HECW1: variants seen among roughly 807,000 people sequenced by gnomAD.
HECW1 encodes E3 ubiquitin-protein ligase HECW1.
Under a neutral mutation model 182.3 loss-of-function variants are expected in HECW1, and 61 were observed. The observed-to-expected ratio is 0.33, with a 90% CI of 0.27 to 0.41. The LOEUF (loss-of-function observed/expected upper bound fraction) is 0.41. HECW1 is among the 10% of genes least tolerant of loss of function. The pLI, the probability that HECW1 is intolerant of heterozygous loss-of-function variation, is 1.00. For missense variants in HECW1, 1,739 were observed against 2,108.9 expected (o/e 0.82, Z 3.44); for synonymous variants, 859 against 832.6 (o/e 1.03, Z -0.55).
At chr7:43,248,082 CAATG>C (rs1245382783) in intron 3 of HECW1, among the ~76,000 whole-genome samples, 2 of 145,410 alleles carry the variant, frequency 1.4e-5, no homozygotes, top group East Asian at 4.1e-4. Flanking sequence ...GGAGGGAAAA[CAATG>C]GAGAGAGGGA....
chr7:43,465,889 G>A (rs923544375), intron 14 of HECW1, among the ~76,000 whole-genome samples: 5 of 149,468 alleles, frequency 3.3e-5, no homozygotes, highest in South Asian at 2.1e-4. Flanking sequence ...GCGAGACGCT[G>A]TCTCAAGAAA....
chr7:43,494,194 T>C lies in HECW1; in HGVS notation c.3437+1014T>C, dbSNP rs1447321215. ...ATTGACACCTCTTTTCCCTGTATTT[T>C]CACTCTGTAAATTAGAGCCACTACC... On this transcript the variant is annotated intron_variant, in intron 19 of 29. Coordinates refer to ENST00000395891, the MANE Select transcript of HECW1 (RefSeq NM_015052.5). 2.6e-5 allele frequency among the ~76,000 whole-genome samples: 4 copies of C among 152,246 alleles called. No homozygotes were observed. In the East Asian group the frequency reaches 7.7e-4, roughly 29 times the overall value.
At chr7:43,424,632 TA>T (rs940313914) in intron 8 of HECW1, among the ~76,000 whole-genome samples, 10 of 151,568 alleles carry the variant, frequency 6.6e-5, no homozygotes, top group African/African-American at 1.9e-4. Flanking sequence ...CAAAAATAAA[TA>T]AAAAAATAAA....
At chr7:43,428,320 T>C (rs1562964434) in intron 8 of HECW1, among the ~76,000 whole-genome samples, 1 of 152,192 alleles carries the variant, frequency 6.6e-6, no homozygotes, top group African/African-American at 2.4e-5. Context: ...TTGTATTCCA[T>C]TTTTGCAGTA....
intron 3 of HECW1, among the ~76,000 whole-genome samples, chr7:43,246,763 C>A (rs1405504839): frequency 2.0e-5 from 3 of 152,154 alleles, no homozygotes; most frequent in Admixed American, 1.3e-4. Flanking sequence ...TGTTAGGTCC[C>A]CTGAGAGGGC....
At chr7:43,287,168 TA>T (rs1313749747) in intron 3 of HECW1, among the ~76,000 whole-genome samples, 3 of 151,986 alleles carry the variant, frequency 2.0e-5, no homozygotes, top group Non-Finnish European at 4.4e-5. Context: ...TTAAATTCTG[TA>T]AAGAGAAATA....
intron 3 of HECW1, among the ~76,000 whole-genome samples, chr7:43,275,176 A>G (rs780984328): frequency 4.6e-5 from 7 of 152,202 alleles, no homozygotes; most frequent in Non-Finnish European, 1.0e-4. Flanking sequence ...TATCTTTAAA[A>G]ATCCAACAAA....
At chr7:43,548,738 T>A (rs1045882478) in intron 26 of HECW1, among the ~76,000 whole-genome samples, 2 of 151,942 alleles carry the variant, frequency 1.3e-5, no homozygotes, top group Non-Finnish European at 2.9e-5. Context: ...GGCCAGGAGC[T>A]CAAGACCAGC....
At chr7:43,465,888 T>C (rs2077749440) in intron 14 of HECW1, among the ~76,000 whole-genome samples, 1 of 148,136 alleles carries the variant, frequency 6.8e-6, no homozygotes, top group Non-Finnish European at 1.5e-5. Flanking sequence ...AGCGAGACGC[T>C]GTCTCAAGAA....
At chr7:43,255,596 TAAAA>T (rs72259446) in intron 3 of HECW1, among the ~76,000 whole-genome samples, 1 of 117,182 alleles carries the variant, frequency 8.5e-6, no homozygotes, top group African/African-American at 2.8e-5. Context: ...AAACTCTGTC[TAAAA>T]AAAAAAAAAA....
chr7:43,230,823 A>G (rs1056068895), intron 2 of HECW1, among the ~76,000 whole-genome samples: 11 of 152,228 alleles, frequency 7.2e-5, no homozygotes, highest in African/African-American at 2.7e-4. Flanking sequence ...AGTGAAATAT[A>G]TTAGGGAATT....
chr7:43,493,825 C>T (rs181592611), intron 19 of HECW1, among the ~76,000 whole-genome samples: 9 of 152,272 alleles, frequency 5.9e-5, no homozygotes, highest in Non-Finnish European at 1.0e-4. Flanking sequence ...ATCTCTTTGA[C>T]GTTTGAATTT....
chr7:43,134,169 G>A (rs557515124), intron 2 of HECW1, among the ~76,000 whole-genome samples: 15 of 151,954 alleles, frequency 9.9e-5, no homozygotes, highest in African/African-American at 2.2e-4. Flanking sequence ...GGGAGTGGGC[G>A]GGTCACCTGA....
At chr7:43,123,133 A>G (rs571233653) in intron 2 of HECW1, among the ~76,000 whole-genome samples, 2 of 152,326 alleles carry the variant, frequency 1.3e-5, no homozygotes, top group African/African-American at 4.8e-5. Context: ...TTTTTGCACT[A>G]TTCATGGAGC....
At chr7:43,412,175 A>T (rs919833985) in intron 8 of HECW1, among the ~76,000 whole-genome samples, 24 of 152,166 alleles carry the variant, frequency 1.6e-4, no homozygotes, top group African/African-American at 5.8e-4. Flanking sequence ...CATGATCTAC[A>T]TTGAGTTAAT....
rs748514387 is a variant in HECW1, at chr7:43,550,636, T to C, written c.4395+45T>C. ...GGAAGGCAAGCTGTGGCCAGGGTGC[T>C]GCTTCACGGGGCCTCATCCTCCAGG... On this transcript the variant is annotated intron_variant, in intron 27 of 29. Coordinates refer to ENST00000395891, the MANE Select transcript of HECW1 (RefSeq NM_015052.5). The C allele has an allele frequency of 1.9e-6, 3 of 1,546,306 alleles. No individual in the cohort carries two copies. The South Asian group carries it at 3.5e-5, about 18-fold the overall frequency.
At chr7:43,342,991 C>G (rs910346824) in intron 5 of HECW1, among the ~76,000 whole-genome samples, 11 of 151,236 alleles carry the variant, frequency 7.3e-5, no homozygotes, top group Admixed American at 2.0e-4. Context: ...CACCACTGCA[C>G]TCCAGCGTGG....
intron 25 of HECW1, 55 bp from the exon 26 acceptor site, chr7:43,541,814 G>C (rs1170724644): frequency 3.1e-5 from 42 of 1,360,076 alleles, no homozygotes; most frequent in Non-Finnish European, 3.6e-5. Flanking sequence ...ATTTTGAAGT[G>C]AGGTCTGGGC....
chr7:43,378,888 T>C (rs914692820), intron 6 of HECW1, among the ~76,000 whole-genome samples: 45 of 151,838 alleles, frequency 3.0e-4, no homozygotes, highest in African/African-American at 9.4e-4. Context: ...GACAAGACTG[T>C]CTCAAAAAAC....
Sources: gnomAD v4.1 joint callset for allele counts (sites outside exome capture counted in the v4.1 genomes callset) on GRCh38, gnomAD v4.1.1 for gene constraint, MANE v1.5 for transcripts, NCBI Gene and HGNC (gene_info 2026-07-23, HGNC 2026-07-21) for gene names.